Variants in TBC1D14 observed in about 807,000 individuals in gnomAD.
TBC1D14 encodes TBC1 domain family member 14.
Under a neutral mutation model 79.0 loss-of-function variants are expected in TBC1D14, and 26 were observed. The ratio of observed to expected loss-of-function variants is 0.33; its 90% CI spans 0.24 to 0.46. TBC1D14 has a LOEUF of 0.46. Among genes scored for constraint, TBC1D14 ranks in the 20% least tolerant of loss-of-function variants. The pLI is 1.00. For synonymous variants in TBC1D14, 394 were observed against 349.9 expected (o/e 1.13, Z -1.40); for missense variants, 769 against 887.6 (o/e 0.87, Z 1.70).
intron 1 of TBC1D14, among the ~76,000 whole-genome samples, chr4:6,917,141 C>G (rs148408439): frequency 0.012 from 1,800 of 152,326 alleles, 15 homozygotes; most frequent in Middle Eastern, 0.041. Context: ...CAGCTCTCAC[C>G]GAGTTCTTGG....
At chr4:6,987,235 G>T in intron 3 of TBC1D14, 2 of 1,258,908 alleles carry the variant, frequency 1.6e-6, no homozygotes, top group Non-Finnish European at 2.0e-6. Flanking sequence ...CGAGTCTGAG[G>T]AGCCGCCGCG....
intron 13 of TBC1D14, among the ~76,000 whole-genome samples, chr4:7,026,723 C>A (rs1419399686): frequency 1.3e-5 from 2 of 151,714 alleles, no homozygotes; most frequent in Admixed American, 1.3e-4. Flanking sequence ...ATAGTGAGAC[C>A]CCGTCTCTAC....
At chr4:6,963,015 C>T (rs1319526462) in intron 2 of TBC1D14, among the ~76,000 whole-genome samples, 1 of 152,186 alleles carries the variant, frequency 6.6e-6, no homozygotes, top group Admixed American at 6.5e-5. Flanking sequence ...GAGACCCCAC[C>T]GAAGGTGAAG....
intron 2 of TBC1D14, among the ~76,000 whole-genome samples, chr4:6,940,269 A>G (rs1712777853): frequency 6.6e-6 from 1 of 152,210 alleles, no homozygotes; most frequent in African/African-American, 2.4e-5. Context: ...GTACATTTCC[A>G]CCATGCAGGA....
At chr4:6,941,413 G>A (rs1416724157) in intron 2 of TBC1D14, among the ~76,000 whole-genome samples, 1 of 152,060 alleles carries the variant, frequency 6.6e-6, no homozygotes, top group Non-Finnish European at 1.5e-5. Context: ...CTCAAACTCC[G>A]GAGCTCAGGT....
intron 3 of TBC1D14, among the ~76,000 whole-genome samples, chr4:6,993,683 A>T (rs913207128): frequency 1.3e-5 from 2 of 152,220 alleles, no homozygotes; most frequent in Non-Finnish European, 2.9e-5. Context: ...GTGCAGTCAT[A>T]TCATAAAGCA....
chr4:7,004,013 A>G (rs1338977333), intron 7 of TBC1D14, among the ~76,000 whole-genome samples: 1 of 152,096 alleles, frequency 6.6e-6, no homozygotes, highest in Non-Finnish European at 1.5e-5. Flanking sequence ...ATCTCGGAAA[A>G]AAAAAGAAAA....
chr4:7,014,960 C>T (rs1292565261), intron 12 of TBC1D14, among the ~76,000 whole-genome samples: 1 of 152,214 alleles, frequency 6.6e-6, no homozygotes, highest in Non-Finnish European at 1.5e-5. Context: ...TCTTGGAAGG[C>T]AGGAGGTCCT....
intron 12 of TBC1D14, among the ~76,000 whole-genome samples, chr4:7,017,592 AG>A: frequency 6.6e-6 from 1 of 152,192 alleles, no homozygotes; most frequent in Admixed American, 6.5e-5. Flanking sequence ...GGAAGTGGCA[AG>A]GGTTCTTCAC....
intron 2 of TBC1D14, among the ~76,000 whole-genome samples, chr4:6,942,012 C>T (rs1173502811): frequency 6.6e-6 from 1 of 152,204 alleles, no homozygotes; most frequent in Non-Finnish European, 1.5e-5. Flanking sequence ...TGGGCAAGCC[C>T]ATTCCTGCAA....
At chr4:6,977,480 C>T (rs1220300396) in intron 3 of TBC1D14, among the ~76,000 whole-genome samples, 3 of 147,722 alleles carry the variant, frequency 2.0e-5, no homozygotes, top group African/African-American at 2.5e-5. Flanking sequence ...ACAACCTCCA[C>T]CTCCCAGCTG....
At chr4:7,027,258 T>C (rs1171979290) in intron 13 of TBC1D14, among the ~76,000 whole-genome samples, 2 of 150,378 alleles carry the variant, frequency 1.3e-5, no homozygotes, top group East Asian at 3.9e-4. Flanking sequence ...CATTTCCCAC[T>C]GGGGGAGAGT....
intron 1 of TBC1D14, among the ~76,000 whole-genome samples, chr4:6,917,770 AC>A (rs1226820445): frequency 3.3e-5 from 5 of 152,054 alleles, no homozygotes; most frequent in Admixed American, 3.3e-4. Context: ...TCCAGAGTCC[AC>A]CCATTAGCTT....
At chr4:6,910,928 T>A (rs1382846692) in intron 1 of TBC1D14, among the ~76,000 whole-genome samples, 3 of 151,916 alleles carry the variant, frequency 2.0e-5, no homozygotes, top group African/African-American at 7.3e-5. Context: ...ATGAGGAGGG[T>A]AGTCGTGGTG....
intron 2 of TBC1D14, among the ~76,000 whole-genome samples, chr4:6,956,722 A>G (rs1394143389): frequency 6.6e-6 from 1 of 152,192 alleles, no homozygotes; most frequent in Admixed American, 6.5e-5. Context: ...TTCTCAGCCA[A>G]TGCAGGTGAT....
At chr4:7,005,066 T>G (rs1002724806) in intron 8 of TBC1D14, 142 bp downstream of exon 8, 8 of 829,756 alleles carry the variant, frequency 9.6e-6, no homozygotes, top group Non-Finnish European at 1.3e-5. Context: ...GGGTTTTTTT[T>G]GTTTTGTTTT....
Position 6,967,568 on chromosome 4 carries a change from G to C in TBC1D14, c.843+144G>C, listed in dbSNP as rs189639212. ...TACCACGTTCCTCAGATTTAAGTCT[G>C]TATTCACAATGTGGATGAATTTAAC... On this transcript the variant is annotated intron_variant, in intron 3 of 13. Transcript: ENST00000409757. 406 of 1,098,464 alleles carry C rather than the reference G, an allele frequency of 3.7e-4. 1 individual carries two copies. In the African/African-American group the frequency reaches 5.8e-3, roughly 16 times the overall value. The allele number at this position is 1,098,464 out of a possible 1,614,324, so 68.0% of individuals were successfully genotyped here. A position where few individuals can be genotyped will look rare whatever the true frequency, so the allele number is the denominator to read the frequency against.
Position 7,007,463 on chromosome 4 carries a change from AGTT to A in TBC1D14, c.1446+741_1446+743del, listed in dbSNP as rs1720318541. 4.6e-6 allele frequency: 5 copies of A among 1,083,844 alleles called. No individual in the cohort carries two copies. In the East Asian group the frequency reaches 1.8e-4, roughly 39 times the overall value. 67.1% of individuals were successfully genotyped at this position (1,083,844 alleles called of 1,614,324 possible). On this transcript the variant is annotated intron_variant, in intron 9 of 13. Coordinates refer to ENST00000409757, the MANE Select transcript of TBC1D14 (RefSeq NM_020773.3). Reference sequence around the variant, plus strand: ...ATCTATAACGGGTTTTTGCGGGGGCAGTTGTTCTTGCAGAATACCTTTGCACCT... The same window carrying A: ...ATCTATAACGGGTTTTTGCGGGGGCAGTTCTTGCAGAATACCTTTGCACCT...
At chr4:7,001,714 G>A (rs1259083648) in intron 7 of TBC1D14, among the ~76,000 whole-genome samples, 1 of 152,146 alleles carries the variant, frequency 6.6e-6, no homozygotes, top group Non-Finnish European at 1.5e-5. Context: ...GAGTTTGTCT[G>A]CTGGGTGAGA....
Sources: allele counts gnomAD v4.1 joint callset (sites outside exome capture counted in the v4.1 genomes callset), GRCh38; gene constraint gnomAD v4.1.1; transcripts MANE v1.5; gene names NCBI Gene and HGNC (gene_info 2026-07-23, HGNC 2026-07-21).